The following CHD5 variants were observed in gnomAD, a reference collection of about 807,000 sequenced individuals.
The protein encoded by CHD5 is chromodomain helicase DNA binding protein 5.
CHD5 carries 69 observed loss-of-function variants against 230.3 expected under a neutral mutation model. The observed-to-expected ratio is 0.30, with a 90% confidence interval of 0.25 to 0.37. The LOEUF (loss-of-function observed/expected upper bound fraction) is 0.37, where lower values mean the gene tolerates loss of function less well. Ranked by LOEUF, CHD5 falls within the 10% of genes least tolerant of loss-of-function variation. CHD5 has a pLI of 1.00. For synonymous variants in CHD5, 1,064 were observed against 1,065.9 expected (o/e 1.00, Z 0.03); for missense variants, 1,827 against 2,622.8 (o/e 0.70, Z 6.63).
chr1:6,175,716 G>A (rs1236750762), intron 1 of CHD5, among the ~76,000 whole-genome samples: 1 of 150,886 alleles, frequency 6.6e-6, no homozygotes, highest in Non-Finnish European at 1.5e-5. Flanking sequence ...ATGGACGGAC[G>A]GACGGATGGA....
chr1:6,112,366 G>C, intron 34 of CHD5, 89 bp from the exon 35 acceptor site: 2 of 1,519,906 alleles, frequency 1.3e-6, no homozygotes, highest in Non-Finnish European at 1.8e-6. Flanking sequence ...GGACCCAGGA[G>C]GCAAGTAGAA....
At chr1:6,132,663 T>C (rs1207864312) in intron 20 of CHD5, among the ~76,000 whole-genome samples, 1 of 152,226 alleles carries the variant, frequency 6.6e-6, no homozygotes, top group African/African-American at 2.4e-5. Flanking sequence ...AGCACCAGGT[T>C]CCAATTTATC....
chr1:6,119,374 T>C (rs1571142971), intron 33 of CHD5, among the ~76,000 whole-genome samples: 1 of 152,184 alleles, frequency 6.6e-6, no homozygotes, highest in Non-Finnish European at 1.5e-5. Flanking sequence ...CTGGGATTAC[T>C]GGCATGAGCC....
intron 33 of CHD5, among the ~76,000 whole-genome samples, chr1:6,118,130 C>T (rs1666405323): frequency 6.6e-6 from 1 of 152,108 alleles, no homozygotes; most frequent in South Asian, 2.1e-4. Context: ...AATCCCAGCA[C>T]TTTGGGAGGT....
intron 2 of CHD5, among the ~76,000 whole-genome samples, chr1:6,161,916 G>A (rs556034358): frequency 1.2e-3 from 184 of 152,298 alleles, no homozygotes; most frequent in African/African-American, 4.2e-3. Context: ...GGATGAAGTT[G>A]AGGGACCCAC....
In CHD5 at chr1:6,105,445, G is replaced by A. The variant is rs1460393786; in HGVS notation, c.*47-18C>T. 3 of 470,254 alleles carry A rather than the reference G, an allele frequency of 6.4e-6. No homozygotes were observed. The highest frequency in any genetic ancestry group is 6.9e-5 in the East Asian group (1 of 14,402). The allele number at this position is 470,254 out of a possible 1,614,324, so 29.1% of individuals were successfully genotyped here. A position where few individuals can be genotyped will look rare whatever the true frequency, so the allele number is the denominator to read the frequency against. On this transcript the variant is annotated intron_variant, in intron 41 of 41. Coordinates refer to ENST00000262450, the MANE Select transcript of CHD5 (RefSeq NM_015557.3). The surrounding 1 kb of genome is among the most constrained non-coding windows in gnomAD (Gnocchi z 4.8). ...AGGCGTGGCTGCAAAACGCAAATCA[G>A]TGGGTTAAGCAGGTGGGCAGTTATA...
chr1:6,123,435 T>TG, intron 31 of CHD5, among the ~76,000 whole-genome samples: 1 of 152,178 alleles, frequency 6.6e-6, no homozygotes, highest in South Asian at 2.1e-4. Context: ...ATAGTACTTT[T>TG]TTTTTTTTGA....
At position 6,143,915 on chromosome 1, in the gene CHD5, C is replaced by T. The variant is rs1666870677; in HGVS notation, c.1951G>A (p.Glu651Lys). 1.9e-6 allele frequency: 3 copies of T among 1,613,992 alleles called. No individual in the cohort carries two copies. Among genetic ancestry groups the T allele is most frequent in the East Asian group, 2.2e-5 (1 of 44,850 alleles). ...AGCCTCTTGGGCAGCCTGGTGTCTT[C>T]TCCCAGCATCAGCTCCCTGGGAAAC... ...YWGHRELMLGEDTRLPKRLLK... is the reference protein window; with the variant it reads ...YWGHRELMLGKDTRLPKRLLK... The change falls in exon 13 of 42, where the codon GAA (glutamate) becomes AAA (lysine). Residue 651 changes from glutamate (E) to lysine (K), a missense_variant. Glu to Lys is a moderately conservative substitution (Grantham distance 56, BLOSUM62 1). This residue lies in a region of CHD5 where 657 missense variants were observed against 816.4 expected (regional missense o/e 0.80). Transcript: ENST00000262450.
rs745758 is a variant in CHD5, at chr1:6,104,620, C to A, written c.*854G>T. The A allele has an allele frequency of 0.056, 8,313 of 148,236 alleles. 204 individuals carry two copies. Among genetic ancestry groups the A allele is most frequent in the Middle Eastern group, 0.091 (26 of 286 alleles). 9.2% of individuals were successfully genotyped at this position (148,236 alleles called of 1,614,324 possible). A position where few individuals can be genotyped will look rare whatever the true frequency, so the allele number is the denominator to read the frequency against. ...GCAGTGGCTCCGAGGCAAGTGCTGC[C>A]CCCCCCCCAGCCCACCCTCCCTGGG... On this transcript the variant is annotated 3_prime_UTR_variant, in exon 42 of 42. Coordinates refer to ENST00000262450, the MANE Select transcript of CHD5 (RefSeq NM_015557.3).
intron 15 of CHD5, among the ~76,000 whole-genome samples, chr1:6,139,218 C>CTGT (rs1338287769): frequency 8.5e-6 from 1 of 117,534 alleles, no homozygotes; most frequent in Non-Finnish European, 1.9e-5. Flanking sequence ...CTAAACTGTT[C>CTGT]TGTTGTTGTT....
At chr1:6,174,976 T>C (rs1171392686) in intron 1 of CHD5, among the ~76,000 whole-genome samples, 1 of 82,650 alleles carries the variant, frequency 1.2e-5, no homozygotes, top group East Asian at 3.5e-4. Context: ...GGATGAAGGA[T>C]GGATGGATGG....
Position 6,135,412 on chromosome 1 carries a change from A to G in CHD5, c.2697-9T>C. 2 of 1,595,838 alleles carry G rather than the reference A, an allele frequency of 1.3e-6. No homozygotes were observed. The highest frequency in any genetic ancestry group is 1.7e-6 in the Non-Finnish European group (2 of 1,169,696). On this transcript the variant is annotated splice_polypyrimidine_tract_variant and intron_variant, in intron 17 of 41. Coordinates refer to ENST00000262450, the MANE Select transcript of CHD5 (RefSeq NM_015557.3). Reference sequence around the variant, plus strand: ...GGAAGCCCTCCAGGTTGCTGCAACAAAAAGCTGGGATAACAGCCAGGAGCA... The same window carrying G: ...GGAAGCCCTCCAGGTTGCTGCAACAGAAAGCTGGGATAACAGCCAGGAGCA...
intron 3 of CHD5, among the ~76,000 whole-genome samples, chr1:6,156,657 G>A (rs538486171): frequency 3.3e-5 from 5 of 152,330 alleles, no homozygotes; most frequent in African/African-American, 9.6e-5. Context: ...CTCTGCTGGG[G>A]CAGGGGCATG....
chr1:6,111,948 G>A, intron 35 of CHD5, 65 bp from the exon 36 acceptor site: 2 of 1,494,330 alleles, frequency 1.3e-6, no homozygotes, highest in East Asian at 2.3e-5. Flanking sequence ...GGCAGGCTTG[G>A]AGAGCCGCTC....
At position 6,103,235 on chromosome 1, in the gene CHD5, C is replaced by G. The variant is rs1005649961; in HGVS notation, c.*2239G>C. ...GGGTGCTGGCCACGGACAGCACCACCCCTTCTGGACCAGGCAGTGCAGGGG... is the reference window on the plus strand; with the variant it reads ...GGGTGCTGGCCACGGACAGCACCACGCCTTCTGGACCAGGCAGTGCAGGGG... On this transcript the variant is annotated 3_prime_UTR_variant, in exon 42 of 42. Transcript: ENST00000262450. 4 of 152,574 alleles carry G rather than the reference C, an allele frequency of 2.6e-5. No individual in the cohort carries two copies. The highest frequency in any genetic ancestry group is 9.6e-5 in the African/African-American group (4 of 41,490). 9.5% of individuals were successfully genotyped at this position (152,574 alleles called of 1,614,324 possible).
intron 31 of CHD5, among the ~76,000 whole-genome samples, chr1:6,122,981 C>G (rs776596180): frequency 6.6e-6 from 1 of 151,570 alleles, no homozygotes. Context: ...GAGGCAGGAT[C>G]GCTTGAACCT....
chr1:6,114,766 A>G (rs1166262902), intron 33 of CHD5, among the ~76,000 whole-genome samples: 1 of 152,098 alleles, frequency 6.6e-6, no homozygotes, highest in Non-Finnish European at 1.5e-5. Context: ...GAAAAAAAAC[A>G]TAAAATTTCT....
intron 11 of CHD5, among the ~76,000 whole-genome samples, chr1:6,144,469 C>T (rs1666880069): frequency 6.6e-6 from 1 of 152,230 alleles, no homozygotes; most frequent in South Asian, 2.1e-4. Flanking sequence ...GTCACAGGGT[C>T]TGGATTTTCA....
Position 6,128,361 on chromosome 1 carries a change from T to G in CHD5, c.3730+138A>C. On this transcript the variant is annotated intron_variant, in intron 24 of 41. Coordinates refer to ENST00000262450, the MANE Select transcript of CHD5 (RefSeq NM_015557.3). The surrounding 1 kb of genome is among the most constrained non-coding windows in gnomAD (Gnocchi z 7.8). The stretch of plus-strand genomic sequence containing the variant: ...GGCATGGTGACCAGACAGAGGAAAC[T>G]GCGCTGTAACAGCCCCACTCGCCGC... The G allele has an allele frequency of 9.0e-7, 1 of 1,115,130 alleles. No homozygotes were observed. The highest frequency in any genetic ancestry group is 1.3e-6 in the Non-Finnish European group (1 of 767,772). The allele number at this position is 1,115,130 out of a possible 1,614,324, so 69.1% of individuals were successfully genotyped here. A position where few individuals can be genotyped will look rare whatever the true frequency, so the allele number is the denominator to read the frequency against.
Sources: gnomAD v4.1 joint callset for allele counts (sites outside exome capture counted in the v4.1 genomes callset) on GRCh38, gnomAD v4.1.1 for gene constraint, gnomAD v4.1.1 regional missense constraint, Gnocchi (gnomAD v3.1) non-coding constraint, MANE v1.5 for transcripts, NCBI Gene and HGNC (gene_info 2026-07-23, HGNC 2026-07-21) for gene names.